SMIM35: variants seen among roughly 807,000 people sequenced by gnomAD.
The protein encoded by SMIM35 is TMPRSS4 antisense RNA 1 (non-protein coding).
chr11:118,083,798 G>A (rs762330305), intron 1 of SMIM35, among the ~76,000 whole-genome samples: 3 of 152,072 alleles, frequency 2.0e-5, no homozygotes, highest in African/African-American at 4.8e-5. Flanking sequence ...GCTCACACCT[G>A]TAATCCCGCT....
intron 1 of SMIM35, among the ~76,000 whole-genome samples, chr11:118,079,142 C>T (rs564668469): frequency 3.3e-5 from 5 of 152,084 alleles, no homozygotes; most frequent in Admixed American, 6.5e-5. Context: ...CCAATCTCCA[C>T]GGTGTGGTCA....
At chr11:118,042,144 A>C (rs912293624) in intron 1 of SMIM35, among the ~76,000 whole-genome samples, 1 of 151,530 alleles carries the variant, frequency 6.6e-6, no homozygotes, top group African/African-American at 2.4e-5. Flanking sequence ...GTGGAAACTA[A>C]TAAAATAGAA....
chr11:118,010,875 T>C (rs1489358890), intron 4 of SMIM35, among the ~76,000 whole-genome samples: 2 of 152,112 alleles, frequency 1.3e-5, no homozygotes, highest in Non-Finnish European at 2.9e-5. Flanking sequence ...CGGGAAGGTG[T>C]TGGGAGAGGC....
chr11:118,021,989 A>C (rs1383790318), intron 1 of SMIM35, among the ~76,000 whole-genome samples: 2 of 151,540 alleles, frequency 1.3e-5, no homozygotes, highest in Admixed American at 6.6e-5. Flanking sequence ...TATATGGAGC[A>C]TTCATCAAGA....
intron 1 of SMIM35, among the ~76,000 whole-genome samples, chr11:118,033,281 G>A (rs1180873418): frequency 6.6e-6 from 1 of 152,184 alleles, no homozygotes; most frequent in Non-Finnish European, 1.5e-5. Context: ...GCTGAGAAAA[G>A]CCTCTTGTTT....
At chr11:118,086,594 T>G (rs1482855925) in intron 1 of SMIM35, among the ~76,000 whole-genome samples, 157 bp downstream of exon 1, 3 of 152,176 alleles carry the variant, frequency 2.0e-5, no homozygotes, top group African/African-American at 7.2e-5. Flanking sequence ...GAGTAACAGG[T>G]GCGATCCCAG....
chr11:118,025,275 G>A (rs1394687059), intron 1 of SMIM35: 3 of 327,180 alleles, frequency 9.2e-6, no homozygotes, highest in African/African-American at 6.6e-5. Flanking sequence ...TTTCTTTTGG[G>A]TATATACCCA....
intron 1 of SMIM35, among the ~76,000 whole-genome samples, chr11:118,030,824 T>A: frequency 6.6e-6 from 1 of 151,358 alleles, no homozygotes; most frequent in Non-Finnish European, 1.5e-5. Context: ...TGAATGGGAT[T>A]AGGAGGGCAT....
At chr11:118,069,816 C>T (rs1166497656) in intron 1 of SMIM35, among the ~76,000 whole-genome samples, 1 of 152,164 alleles carries the variant, frequency 6.6e-6, no homozygotes, top group African/African-American at 2.4e-5. Flanking sequence ...AATCCCAACA[C>T]TTTGGAAAGC....
At chr11:118,033,412 G>C (rs606683) in intron 1 of SMIM35, among the ~76,000 whole-genome samples, 120,340 of 152,148 alleles carry the variant, frequency 0.79, 47,956 homozygotes, top group South Asian at 0.87. Context: ...AGACTTAGAG[G>C]CTTTCAACAC....
At chr11:118,078,340 G>A (rs1944856859) in intron 1 of SMIM35, among the ~76,000 whole-genome samples, 1 of 152,170 alleles carries the variant, frequency 6.6e-6, no homozygotes, top group East Asian at 1.9e-4. Flanking sequence ...AAAGGGAAGG[G>A]AAGAGAGGAA....
intron 4 of SMIM35, among the ~76,000 whole-genome samples, chr11:118,007,690 G>T (rs140674386): frequency 6.6e-6 from 1 of 151,748 alleles, no homozygotes; most frequent in Non-Finnish European, 1.5e-5. Context: ...CACTGTGCCC[G>T]GCCGAAGATG....
At chr11:118,040,260 T>A (rs1347674099) in intron 1 of SMIM35, among the ~76,000 whole-genome samples, 1 of 151,836 alleles carries the variant, frequency 6.6e-6, no homozygotes, top group Non-Finnish European at 1.5e-5. Flanking sequence ...AGCTAAATGA[T>A]CTCCAAGTAA....
intron 1 of SMIM35, among the ~76,000 whole-genome samples, chr11:118,081,482 C>T (rs1399040894): frequency 1.3e-5 from 2 of 152,202 alleles, no homozygotes; most frequent in African/African-American, 2.4e-5. Flanking sequence ...TGCCCGTGGC[C>T]CCCAGAGCAC....
intron 1 of SMIM35, among the ~76,000 whole-genome samples, chr11:118,072,342 G>C (rs960092731): frequency 6.6e-6 from 1 of 152,176 alleles, no homozygotes; most frequent in African/African-American, 2.4e-5. Flanking sequence ...AAAAAAGTTA[G>C]CTGGGTGTGA....
chr11:118,008,856 C>T (rs1470190817), intron 4 of SMIM35, among the ~76,000 whole-genome samples: 1 of 152,230 alleles, frequency 6.6e-6, no homozygotes, highest in African/African-American at 2.4e-5. Flanking sequence ...TAGGAGAAAG[C>T]AAGGTTAATT....
At position 118,005,994 on chromosome 11, in the gene SMIM35, G is replaced by A. The variant is rs117787402; in HGVS notation, c.*416C>T. ...GGGGATGTGCACAGGGGTCGATGGCGTGTGGAGAGCGGGCATTTGGCCCAG... is the reference window on the plus strand; with the variant it reads ...GGGGATGTGCACAGGGGTCGATGGCATGTGGAGAGCGGGCATTTGGCCCAG... On this transcript the variant is annotated 3_prime_UTR_variant, in exon 5 of 5. Transcript: ENST00000689828. The A allele has an allele frequency of 8.2e-3, 1,250 of 152,540 alleles. 11 individuals carry two copies. The highest frequency in any genetic ancestry group is 0.023 in the South Asian group (110 of 4,832). The allele number at this position is 152,540 out of a possible 1,614,324, so 9.4% of individuals were successfully genotyped here.
chr11:118,016,653 C>T (rs940812847), intron 1 of SMIM35, among the ~76,000 whole-genome samples: 15 of 152,312 alleles, frequency 9.8e-5, no homozygotes, highest in Non-Finnish European at 2.1e-4. Flanking sequence ...GCATCTGAAG[C>T]CTAGATCCAC....
chr11:118,027,363 G>A (rs1377629188), intron 1 of SMIM35, among the ~76,000 whole-genome samples: 3 of 151,710 alleles, frequency 2.0e-5, no homozygotes, highest in Non-Finnish European at 4.4e-5. Flanking sequence ...TAGTTTTTTA[G>A]ACTACATTAT....
Sources: allele counts gnomAD v4.1 joint callset (sites outside exome capture counted in the v4.1 genomes callset), GRCh38; gene constraint gnomAD v4.1.1; transcripts MANE v1.5; gene names NCBI Gene and HGNC (gene_info 2026-07-23, HGNC 2026-07-21).